Variants in CNTN4 observed in about 807,000 individuals in gnomAD.
CNTN4 encodes contactin 4.
In CNTN4, 77 loss-of-function variants were observed where a neutral mutation model predicts 122.5. The observed-to-expected ratio is 0.63, with a 90% CI of 0.52 to 0.76. CNTN4 has a LOEUF of 0.76. CNTN4 is among the 30% of genes least tolerant of loss of function. The pLI is 0.00. For missense variants in CNTN4, 1,256 were observed against 1,259.1 expected (o/e 1.00, Z 0.04); for synonymous variants, 512 against 447.0 (o/e 1.15, Z -1.83).
chr3:2,868,723 G>A (rs1380651238), intron 8 of CNTN4, among the ~76,000 whole-genome samples: 1 of 152,162 alleles, frequency 6.6e-6, no homozygotes, highest in African/African-American at 2.4e-5. Context: ...TGGTGAACAG[G>A]AGGCTCTTGC....
chr3:2,669,757 C>G (rs537596937), intron 4 of CNTN4, among the ~76,000 whole-genome samples: 67 of 152,144 alleles, frequency 4.4e-4, no homozygotes, highest in African/African-American at 1.3e-3. Flanking sequence ...TCTACACACT[C>G]CTTTAAATGT....
intron 16 of CNTN4, 94 bp downstream of exon 16, chr3:3,031,069 G>A: frequency 1.3e-6 from 2 of 1,535,726 alleles, no homozygotes; most frequent in Non-Finnish European, 1.8e-6. Context: ...TTAGAATTAT[G>A]GGAAAAAGTC....
At chr3:2,772,818 G>C (rs759766914) in intron 6 of CNTN4, among the ~76,000 whole-genome samples, 3 of 152,152 alleles carry the variant, frequency 2.0e-5, no homozygotes, top group Non-Finnish European at 4.4e-5. Flanking sequence ...CCAAAAAAGA[G>C]AGAAAAGCAA....
chr3:2,698,424 T>G (rs1237673467), intron 4 of CNTN4, among the ~76,000 whole-genome samples: 1 of 152,148 alleles, frequency 6.6e-6, no homozygotes, highest in Non-Finnish European at 1.5e-5. Context: ...TTAAATGACT[T>G]CATGCGGACC....
chr3:2,331,958 C>T (rs1242704504), intron 2 of CNTN4, among the ~76,000 whole-genome samples: 1 of 152,286 alleles, frequency 6.6e-6, no homozygotes, highest in South Asian at 2.1e-4. Context: ...TCCTGTCCAG[C>T]CCAACACCAC....
chr3:2,433,384 G>A (rs750778663), intron 3 of CNTN4, among the ~76,000 whole-genome samples: 1 of 152,062 alleles, frequency 6.6e-6, no homozygotes, highest in East Asian at 1.9e-4. Flanking sequence ...CCTGATTATC[G>A]GTGATGATGA....
At chr3:2,252,383 G>A (rs1230989115) in intron 2 of CNTN4, among the ~76,000 whole-genome samples, 3 of 148,236 alleles carry the variant, frequency 2.0e-5, no homozygotes, top group East Asian at 2.2e-4. Flanking sequence ...AGTATATAAC[G>A]TTTTTGATAT....
chr3:2,207,199 A>T (rs1366457039), intron 2 of CNTN4, among the ~76,000 whole-genome samples: 1 of 151,570 alleles, frequency 6.6e-6, no homozygotes, highest in Admixed American at 6.6e-5. Context: ...CTCTCTTAGG[A>T]CCTCCCTATT....
At chr3:2,955,684 G>C (rs1490925669) in intron 13 of CNTN4, among the ~76,000 whole-genome samples, 1 of 152,140 alleles carries the variant, frequency 6.6e-6, no homozygotes, top group East Asian at 1.9e-4. Flanking sequence ...ATTTAGTAGT[G>C]GAGCCTACTA....
intron 4 of CNTN4, among the ~76,000 whole-genome samples, chr3:2,701,454 C>T (rs957983057): frequency 6.6e-6 from 1 of 152,168 alleles, no homozygotes; most frequent in Admixed American, 6.5e-5. Flanking sequence ...TGGTTTTCCC[C>T]CCAGCGTGGG....
At chr3:2,449,728 T>C (rs1028228045) in intron 3 of CNTN4, among the ~76,000 whole-genome samples, 2 of 152,120 alleles carry the variant, frequency 1.3e-5, no homozygotes, top group African/African-American at 2.4e-5. Context: ...CTTTTAAAAA[T>C]GTGGTATATT....
At chr3:2,271,226 A>G (rs184033047) in intron 2 of CNTN4, among the ~76,000 whole-genome samples, 4 of 151,976 alleles carry the variant, frequency 2.6e-5, no homozygotes, top group Non-Finnish European at 5.9e-5. Context: ...GATCATTTTG[A>G]TGTTGCTACT....
chr3:2,226,001 C>T (rs1153525), intron 2 of CNTN4, among the ~76,000 whole-genome samples: 48,362 of 151,976 alleles, frequency 0.32, 8,046 homozygotes, highest in African/African-American at 0.36. Flanking sequence ...TTTTGTAATC[C>T]GTAATGCCAA....
chr3:2,110,804 C>T (rs1559250819), intron 2 of CNTN4, among the ~76,000 whole-genome samples: 1 of 151,956 alleles, frequency 6.6e-6, no homozygotes, highest in South Asian at 2.1e-4. Context: ...CTCAGCTTTA[C>T]CTCTCTACTT....
intron 4 of CNTN4, among the ~76,000 whole-genome samples, chr3:2,631,941 A>C (rs1277714383): frequency 1.3e-5 from 2 of 151,170 alleles, no homozygotes; most frequent in African/African-American, 4.9e-5. Flanking sequence ...AATCCTACCT[A>C]CTTAGCAGGC....
intron 14 of CNTN4, among the ~76,000 whole-genome samples, chr3:3,022,062 C>A (rs868784655): frequency 7.5e-6 from 1 of 133,754 alleles, no homozygotes; most frequent in South Asian, 2.3e-4. Context: ...CCTGCCTCTA[C>A]CAAGAATTCA....
At chr3:2,339,908 CT>C (rs1243332710) in intron 3 of CNTN4, among the ~76,000 whole-genome samples, 5 of 152,204 alleles carry the variant, frequency 3.3e-5, no homozygotes, top group African/African-American at 1.2e-4. Flanking sequence ...GGAGGAATCT[CT>C]TTGCTTCCTC....
intron 2 of CNTN4, among the ~76,000 whole-genome samples, chr3:2,185,892 A>G (rs1427296472): frequency 6.6e-6 from 1 of 150,446 alleles, no homozygotes; most frequent in Non-Finnish European, 1.5e-5. Flanking sequence ...TATCCTTGGA[A>G]CCATTGGTCT....
At chr3:2,761,798 G>A (rs1188530340) in intron 6 of CNTN4, among the ~76,000 whole-genome samples, 2 of 152,102 alleles carry the variant, frequency 1.3e-5, no homozygotes, top group African/African-American at 4.8e-5. Flanking sequence ...TTCAAGGTCA[G>A]TAATCACCTG....
Sources: allele counts gnomAD v4.1 joint callset (sites outside exome capture counted in the v4.1 genomes callset), GRCh38; gene constraint gnomAD v4.1.1; transcripts MANE v1.5; gene names NCBI Gene and HGNC (gene_info 2026-07-23, HGNC 2026-07-21).